The following SV2B variants were observed in gnomAD, a reference collection of about 807,000 sequenced individuals.
SV2B encodes solute carrier family 22 member B2.
A neutral mutation model predicts 73.9 loss-of-function variants in SV2B; 41 were observed. The observed-to-expected ratio is 0.56, with a 90% confidence interval of 0.43 to 0.72. SV2B has a LOEUF of 0.72. Among genes scored for constraint, SV2B ranks in the 30% least tolerant of loss-of-function variants. SV2B has a pLI of 0.00. For missense variants in SV2B, 764 were observed against 857.8 expected (o/e 0.89, Z 1.37); for synonymous variants, 314 against 314.2 (o/e 1.00, Z 0.01).
At chr15:91,188,611 G>A (rs190265300) in intron 1 of SV2B, among the ~76,000 whole-genome samples, 26 of 152,106 alleles carry the variant, frequency 1.7e-4, no homozygotes, top group Admixed American at 3.3e-4. Flanking sequence ...CACCACTCCC[G>A]GCCTGAATGT....
At chr15:91,215,946 G>A (rs1246603193) in intron 1 of SV2B, among the ~76,000 whole-genome samples, 1 of 152,026 alleles carries the variant, frequency 6.6e-6, no homozygotes, top group Non-Finnish European at 1.5e-5. Flanking sequence ...TAAAGTATTT[G>A]TTTTTTTCTC....
At chr15:91,156,671 T>C (rs960132696) in intron 1 of SV2B, among the ~76,000 whole-genome samples, 25 of 152,198 alleles carry the variant, frequency 1.6e-4, no homozygotes, top group African/African-American at 6.0e-4. Context: ...CATTCATCCC[T>C]TTCTGGAAAT....
chr15:91,247,072 C>T (rs17595027), intron 2 of SV2B, among the ~76,000 whole-genome samples: 16,587 of 152,220 alleles, frequency 0.11, 932 homozygotes, highest in Middle Eastern at 0.12. Flanking sequence ...GTGATAGGCT[C>T]ATTTTTCCTT....
intron 1 of SV2B, among the ~76,000 whole-genome samples, chr15:91,116,160 G>A (rs547168281): frequency 1.3e-5 from 2 of 152,224 alleles, no homozygotes; most frequent in South Asian, 4.1e-4. Context: ...ACATGACCTT[G>A]CATTCTCCCT....
intron 1 of SV2B, among the ~76,000 whole-genome samples, chr15:91,173,087 C>A (rs975657730): frequency 1.3e-5 from 2 of 151,900 alleles, no homozygotes; most frequent in African/African-American, 4.8e-5. Flanking sequence ...TTGGTTGGTG[C>A]GATGAGGAGT....
At position 91,242,337 on chromosome 15, in the gene SV2B, A is replaced by G. The variant is rs1224787049; in HGVS notation, c.452-9482A>G. 6.6e-6 allele frequency among the ~76,000 whole-genome samples: 1 copy of G among 151,906 alleles called. No homozygotes were observed. Among genetic ancestry groups the G allele is most frequent in the Non-Finnish European group, 1.5e-5 (1 of 67,994 alleles). Reference sequence around the variant, plus strand: ...GTGTTTGTTGTCTGCTTTCATTACCACCTTTCCTCTGGATGCCACCTTTAA... The same window carrying G: ...GTGTTTGTTGTCTGCTTTCATTACCGCCTTTCCTCTGGATGCCACCTTTAA... On this transcript the variant is annotated intron_variant, in intron 2 of 12. Coordinates refer to ENST00000394232, the MANE Select transcript of SV2B (RefSeq NM_001323032.3). The surrounding 1 kb of genome is among the most constrained non-coding windows in gnomAD (Gnocchi z 4.9).
At position 91,240,319 on chromosome 15, in the gene SV2B, A is replaced by G. The variant is rs1369242612; in HGVS notation, c.452-11500A>G. Among the ~76,000 whole-genome samples, 1 of 152,230 alleles carries G rather than the reference A, an allele frequency of 6.6e-6. No homozygotes were observed. Among genetic ancestry groups the G allele is most frequent in the African/African-American group, 2.4e-5 (1 of 41,462 alleles). ...ACAGAAGCATTGTGAGGATTAAATA[A>G]GATAAAGCCCATAAAGGGCTCATCA... On this transcript the variant is annotated intron_variant, in intron 2 of 12. Coordinates refer to ENST00000394232, the MANE Select transcript of SV2B (RefSeq NM_001323032.3). This position sits in a 1 kb window ranked among gnomAD's most constrained non-coding sequence, Gnocchi z 4.6.
chr15:91,266,513 A>G (rs2048105315), intron 6 of SV2B, 69 bp from the exon 7 acceptor site: 2 of 1,220,256 alleles, frequency 1.6e-6, no homozygotes, highest in African/African-American at 1.5e-5. Context: ...TAGTTACATT[A>G]AACTACACAT....
At chr15:91,152,111 T>C (rs1386402901) in intron 1 of SV2B, among the ~76,000 whole-genome samples, 2 of 148,318 alleles carry the variant, frequency 1.3e-5, no homozygotes, top group Non-Finnish European at 3.0e-5. Flanking sequence ...AGCAGCAAGA[T>C]TTATTGCAAA....
At chr15:91,191,160 G>C (rs976435283) in intron 1 of SV2B, among the ~76,000 whole-genome samples, 2 of 146,326 alleles carry the variant, frequency 1.4e-5, no homozygotes, top group African/African-American at 5.0e-5. Context: ...CCGCCTCCCG[G>C]GTTCAAGCGA....
At chr15:91,205,854 C>A (rs1362314366) in intron 1 of SV2B, among the ~76,000 whole-genome samples, 2 of 152,162 alleles carry the variant, frequency 1.3e-5, no homozygotes, top group South Asian at 2.1e-4. Flanking sequence ...TGTATAAAAT[C>A]TCAACCCAAA....
At chr15:91,157,049 G>C (rs2043515480) in intron 1 of SV2B, among the ~76,000 whole-genome samples, 1 of 152,206 alleles carries the variant, frequency 6.6e-6, no homozygotes, top group Non-Finnish European at 1.5e-5. Flanking sequence ...GTCAGTCAGG[G>C]AATGGTTAAG....
rs912997810 is a variant in SV2B at position 91,141,905 on chromosome 15, C to T, written c.-392+41542C>T. 2.6e-5 allele frequency among the ~76,000 whole-genome samples: 4 copies of T among 152,168 alleles called. No homozygotes were observed. The South Asian group carries it at 8.3e-4, about 32-fold the overall frequency. ...GAATTGGCAGTAGAGAACACAGGGT[C>T]CCACAGTGGATCCTCAGAGCAAGGA... On this transcript the variant is annotated intron_variant, in intron 1 of 12. Transcript: ENST00000394232. The surrounding 1 kb of genome is among the most constrained non-coding windows in gnomAD (Gnocchi z 4.6).
chr15:91,274,331 T>C (rs2048412832), intron 9 of SV2B, among the ~76,000 whole-genome samples: 1 of 152,216 alleles, frequency 6.6e-6, no homozygotes, highest in Admixed American at 6.5e-5. Context: ...TGTTCAACTT[T>C]GGTATCATTG....
In SV2B at chr15:91,232,446, G is replaced by A. The variant is rs1001619745; in HGVS notation, c.451+5732G>A. ...TTAGGAGTGTGGAGTTGATTCCACC[G>A]GCAATGGAGAGCTGTTTAATGGGGA... On this transcript the variant is annotated intron_variant, in intron 2 of 12. Transcript: ENST00000394232. The surrounding 1 kb of genome is among the most constrained non-coding windows in gnomAD (Gnocchi z 4.7). Among the ~76,000 whole-genome samples the A allele has an allele frequency of 6.6e-6, 1 of 152,178 alleles. No individual in the cohort carries two copies. Among genetic ancestry groups the A allele is most frequent in the Non-Finnish European group, 1.5e-5 (1 of 68,018 alleles).
chr15:91,180,894 G>A (rs1417020241), intron 1 of SV2B, among the ~76,000 whole-genome samples: 9 of 152,196 alleles, frequency 5.9e-5, no homozygotes, highest in African/African-American at 9.6e-5. Context: ...CTCTCAACTC[G>A]TCAAAGTCTT....
rs1268976214 is a variant in SV2B, at chr15:91,115,268, C to T, written c.-392+14905C>T. Among the ~76,000 whole-genome samples, 1 of 152,200 alleles carries T rather than the reference C, an allele frequency of 6.6e-6. No homozygotes were observed. The highest frequency in any genetic ancestry group is 1.5e-5 in the Non-Finnish European group (1 of 68,040). On this transcript the variant is annotated intron_variant, in intron 1 of 12. Transcript: ENST00000394232. This position sits in a 1 kb window ranked among gnomAD's most constrained non-coding sequence, Gnocchi z 4.3. ...TGAGCAGGCGAAACCCACAGACGTC[C>T]ACCACACACACTGAGCTGGCTTCTG...
At chr15:91,171,412 G>A (rs952673362) in intron 1 of SV2B, among the ~76,000 whole-genome samples, 2 of 152,220 alleles carry the variant, frequency 1.3e-5, no homozygotes, top group African/African-American at 4.8e-5. Context: ...GATATTGTGA[G>A]TTGGTGGCAC....
intron 1 of SV2B, among the ~76,000 whole-genome samples, chr15:91,157,753 C>T (rs1355435466): frequency 4.6e-5 from 7 of 152,238 alleles, no homozygotes; most frequent in South Asian, 4.1e-4. Flanking sequence ...GATCAAGATC[C>T]GTGCTTTTTT....
Sources: gnomAD v4.1 joint callset for allele counts (sites outside exome capture counted in the v4.1 genomes callset) on GRCh38, gnomAD v4.1.1 for gene constraint, Gnocchi (gnomAD v3.1) non-coding constraint, MANE v1.5 for transcripts, NCBI Gene and HGNC (gene_info 2026-07-23, HGNC 2026-07-21) for gene names.